ULK4: variants seen among roughly 807,000 people sequenced by gnomAD.
ULK4 encodes inactive serine/threonine-protein kinase ULK4.
Under a neutral mutation model 160.6 loss-of-function variants are expected in ULK4, and 133 were observed. The ratio of observed to expected loss-of-function variants is 0.83; its 90% CI spans 0.72 to 0.96. The LOEUF is 0.96. ULK4 is among the 40% of genes least tolerant of loss of function. The pLI is 0.00. For synonymous variants in ULK4, 534 were observed against 539.8 expected (o/e 0.99, Z 0.15); for missense variants, 1,580 against 1,499.5 (o/e 1.05, Z -0.89).
At chr3:41,803,612 T>A (rs1040991832) in intron 19 of ULK4, among the ~76,000 whole-genome samples, 1 of 152,142 alleles carries the variant, frequency 6.6e-6, no homozygotes, top group African/African-American at 2.4e-5. Flanking sequence ...ATTAGGTATA[T>A]CTGCTAATGC....
chr3:41,630,615 A>T (rs1252342701), intron 30 of ULK4, among the ~76,000 whole-genome samples: 2 of 152,156 alleles, frequency 1.3e-5, no homozygotes, highest in Non-Finnish European at 2.9e-5. Flanking sequence ...TTACATCTGC[A>T]ATATCCCTCA....
intron 17 of ULK4, among the ~76,000 whole-genome samples, chr3:41,865,850 C>T (rs796393685): frequency 7.7e-4 from 117 of 151,500 alleles, no homozygotes; most frequent in African/African-American, 2.7e-3. Context: ...GAAACACACA[C>T]GAGAAAAACT....
intron 34 of ULK4, among the ~76,000 whole-genome samples, chr3:41,444,612 C>T (rs2083253429): frequency 6.6e-6 from 1 of 152,036 alleles, no homozygotes; most frequent in South Asian, 2.1e-4. Context: ...ACTCAATTTC[C>T]TCATTGATGC....
intron 35 of ULK4, among the ~76,000 whole-genome samples, chr3:41,257,067 C>T (rs1217140533): frequency 6.6e-6 from 1 of 151,974 alleles, no homozygotes; most frequent in Non-Finnish European, 1.5e-5. Flanking sequence ...GAACGACCAG[C>T]CTAGTTTTTA....
At chr3:41,611,579 C>A (rs982881328) in intron 31 of ULK4, among the ~76,000 whole-genome samples, 2 of 152,122 alleles carry the variant, frequency 1.3e-5, no homozygotes, top group African/African-American at 4.8e-5. Flanking sequence ...CTTGCAGAAA[C>A]TCCCAGAATC....
chr3:41,697,848 A>G (rs186939076), intron 27 of ULK4, among the ~76,000 whole-genome samples: 2 of 152,192 alleles, frequency 1.3e-5, no homozygotes, highest in Admixed American at 1.3e-4. Flanking sequence ...TCATGTCTGC[A>G]GTAGTGTATA....
intron 30 of ULK4, among the ~76,000 whole-genome samples, chr3:41,660,225 G>A (rs1248086629): frequency 6.6e-6 from 1 of 152,112 alleles, no homozygotes; most frequent in East Asian, 1.9e-4. Flanking sequence ...AACCCAGGAA[G>A]CGGAGGTTGT....
intron 27 of ULK4, among the ~76,000 whole-genome samples, chr3:41,683,518 G>C (rs763770071): frequency 6.6e-6 from 1 of 151,372 alleles, no homozygotes. Context: ...TGCTACAACT[G>C]GTGAGTTTTT....
intron 12 of ULK4, among the ~76,000 whole-genome samples, chr3:41,902,008 C>T (rs1387960535): frequency 2.6e-5 from 4 of 151,842 alleles, no homozygotes; most frequent in African/African-American, 9.7e-5. Flanking sequence ...GTTCTTTGTG[C>T]TCTATTTAAA....
intron 35 of ULK4, among the ~76,000 whole-genome samples, chr3:41,351,460 G>A (rs1427318406): frequency 6.6e-6 from 1 of 152,208 alleles, no homozygotes; most frequent in Admixed American, 6.5e-5. Context: ...AAGTAAAGTG[G>A]CATAATTGCC....
chr3:41,493,022 G>A, intron 32 of ULK4, among the ~76,000 whole-genome samples: 1 of 128,124 alleles, frequency 7.8e-6, no homozygotes. Flanking sequence ...AGATCAATGA[G>A]ACAGAAAGTT....
intron 35 of ULK4, among the ~76,000 whole-genome samples, chr3:41,279,270 A>AC (rs2079301994): frequency 6.8e-6 from 1 of 146,404 alleles, no homozygotes; most frequent in Non-Finnish European, 1.5e-5. Flanking sequence ...AAAAAAAAAA[A>AC]AAAAACAAAA....
chr3:41,422,720 C>T (rs1381853732), intron 34 of ULK4, among the ~76,000 whole-genome samples: 2 of 152,064 alleles, frequency 1.3e-5, no homozygotes, highest in Admixed American at 6.6e-5. Flanking sequence ...AAAGCAAGTA[C>T]ATTTATACAC....
At chr3:41,721,690 T>C (rs1462173504) in intron 22 of ULK4, among the ~76,000 whole-genome samples, 2 of 151,768 alleles carry the variant, frequency 1.3e-5, no homozygotes, top group East Asian at 1.9e-4. Flanking sequence ...TTAAGTAATA[T>C]TGTTGTCCTA....
At chr3:41,587,644 A>G (rs535854039) in intron 31 of ULK4, among the ~76,000 whole-genome samples, 2 of 152,294 alleles carry the variant, frequency 1.3e-5, no homozygotes, top group Non-Finnish European at 2.9e-5. Context: ...GATTGTAACT[A>G]GATAAAGTCA....
intron 22 of ULK4, among the ~76,000 whole-genome samples, chr3:41,719,071 T>C (rs754054507): frequency 7.9e-5 from 12 of 152,224 alleles, no homozygotes; most frequent in Non-Finnish European, 1.5e-4. Context: ...TCAAATCCAA[T>C]GGGCCTTCAT....
intron 35 of ULK4, among the ~76,000 whole-genome samples, chr3:41,253,468 T>A (rs985052399): frequency 2.0e-5 from 3 of 151,854 alleles, no homozygotes; most frequent in African/African-American, 7.2e-5. Flanking sequence ...AAGTTAAGTA[T>A]TTTATAACTC....
intron 32 of ULK4, among the ~76,000 whole-genome samples, chr3:41,484,730 G>A (rs2084461028): frequency 6.6e-6 from 1 of 152,100 alleles, no homozygotes; most frequent in African/African-American, 2.4e-5. Flanking sequence ...GGGATTACAG[G>A]CGTGAGCCAC....
chr3:41,893,112 A>G (rs1277821073), intron 16 of ULK4, among the ~76,000 whole-genome samples: 1 of 152,236 alleles, frequency 6.6e-6, no homozygotes, highest in Non-Finnish European at 1.5e-5. Context: ...AGATAGAATA[A>G]GTAGAGTATA....
Sources: gnomAD v4.1 joint callset for allele counts (sites outside exome capture counted in the v4.1 genomes callset) on GRCh38, gnomAD v4.1.1 for gene constraint, MANE v1.5 for transcripts, NCBI Gene and HGNC (gene_info 2026-07-23, HGNC 2026-07-21) for gene names.